Variants in PWP1 observed in about 807,000 individuals in gnomAD.
PWP1 encodes the protein periodic tryptophan protein 1 homolog.
A neutral mutation model predicts 69.9 loss-of-function variants in PWP1; 47 were observed. The observed-to-expected ratio is 0.67, with a 90% CI of 0.53 to 0.86. PWP1 has a LOEUF of 0.86. Among genes scored for constraint, PWP1 ranks in the 40% least tolerant of loss-of-function variants. The pLI, the probability that PWP1 is intolerant of heterozygous loss-of-function variation, is 0.00. For missense variants in PWP1, 551 were observed against 608.8 expected, an observed-to-expected ratio of 0.91 and a Z score of 1.00; for synonymous variants, 222 against 208.2, an observed-to-expected ratio of 1.07 and a Z score of -0.57.
rs1889780264 is a variant in PWP1, at chr12:107,704,731, C to T, written c.1061C>T (p.Ser354Leu). The T allele has an allele frequency of 6.2e-7, 1 of 1,613,464 alleles. No homozygotes were observed. The highest frequency in any genetic ancestry group is 1.3e-5 in the African/African-American group (1 of 74,892). ...GAGAGAGTGACTTGGAATCACTTTTCACCTTGTCATTTCTTGGTAAGAGTA... is the reference window on the plus strand; with the variant it reads ...GAGAGAGTGACTTGGAATCACTTTTTACCTTGTCATTTCTTGGTAAGAGTA... ...QIERVTWNHFSPCHFLASTDD... is the reference protein window; with the variant it reads ...QIERVTWNHFLPCHFLASTDD... Residue 354 changes from serine to leucine, a missense_variant, in exon 11 of 15, where the codon TCA becomes TTA. Physicochemically the swap from Ser to Leu is moderately radical, Grantham distance 145. Transcript: ENST00000412830.
intron 1 of PWP1, among the ~76,000 whole-genome samples, chr12:107,687,352 A>G (rs951860600): frequency 1.3e-5 from 2 of 152,074 alleles, no homozygotes; most frequent in Admixed American, 6.6e-5. Context: ...TAGCCTTTCA[A>G]ATACTTGAAG....
At chr12:107,706,403 A>T (rs887019157) in intron 11 of PWP1, among the ~76,000 whole-genome samples, 15 of 152,040 alleles carry the variant, frequency 9.9e-5, no homozygotes, top group Non-Finnish European at 1.3e-4. Context: ...GTTTAATTAG[A>T]TCCCATTTAT....
intron 13 of PWP1, 131 bp from the exon 14 acceptor site, chr12:107,710,274 T>G (rs1337641683): frequency 7.1e-7 from 1 of 1,408,804 alleles, no homozygotes; most frequent in Non-Finnish European, 9.4e-7. Flanking sequence ...TGCAGTAGGC[T>G]TGAAAGTGAG....
At chr12:107,686,035 C>T in intron 1 of PWP1, 64 bp downstream of exon 1, 1 of 1,565,252 alleles carries the variant, frequency 6.4e-7, no homozygotes, top group Non-Finnish European at 8.8e-7. Context: ...GTCCGCCCAG[C>T]TGGGGGAACG....
chr12:107,699,275 A>G, intron 7 of PWP1, 98 bp from the exon 8 acceptor site: 2 of 984,828 alleles, frequency 2.0e-6, no homozygotes, highest in South Asian at 1.5e-5. Flanking sequence ...AAACAAAACA[A>G]AATAATCTTA....
intron 8 of PWP1, among the ~76,000 whole-genome samples, chr12:107,702,423 G>A (rs778970178): frequency 2.6e-5 from 4 of 151,998 alleles, no homozygotes. Flanking sequence ...TGGGATTACA[G>A]GCATGCGCCA....
At chr12:107,693,128 C>T in intron 5 of PWP1, 32 bp downstream of exon 5, 1 of 1,568,924 alleles carries the variant, frequency 6.4e-7, no homozygotes, top group Non-Finnish European at 8.6e-7. Context: ...AAAAGATTTT[C>T]TAAGTGATGG....
At chr12:107,710,871 G>A (rs1449829608) in intron 14 of PWP1, among the ~76,000 whole-genome samples, 1 of 152,224 alleles carries the variant, frequency 6.6e-6, no homozygotes, top group Admixed American at 6.5e-5. Context: ...GTTTGTTCAT[G>A]TTCACAAATA....
intron 11 of PWP1, among the ~76,000 whole-genome samples, chr12:107,706,224 C>T (rs189445686): frequency 2.0e-4 from 31 of 152,246 alleles, no homozygotes; most frequent in East Asian, 1.5e-3. Flanking sequence ...TCATATCCTT[C>T]GCCCACTTTT....
chr12:107,690,190 C>G (rs1889452720), intron 3 of PWP1, among the ~76,000 whole-genome samples: 1 of 152,120 alleles, frequency 6.6e-6, no homozygotes, highest in Admixed American at 6.5e-5. Flanking sequence ...AAAATCACAA[C>G]TACCTGTTAA....
chr12:107,712,552 G>T lies in PWP1; in HGVS notation c.*332G>T. ...TAGAATTTTTAAAGCGTAAAATCCG[G>T]TAATATTAAAAGATAGGTAAACCTA... On this transcript the variant is annotated 3_prime_UTR_variant, in exon 15 of 15. Coordinates refer to ENST00000412830, the MANE Select transcript of PWP1 (RefSeq NM_007062.3). 5.7e-6 allele frequency: 1 copy of T among 175,274 alleles called. No individual in the cohort carries two copies. The highest frequency in any genetic ancestry group is 1.2e-5 in the Non-Finnish European group (1 of 82,634). The allele number at this position is 175,274 out of a possible 1,614,324, so 10.9% of individuals were successfully genotyped here.
At chr12:107,699,134 G>A (rs897922889) in intron 7 of PWP1, among the ~76,000 whole-genome samples, 23 of 151,914 alleles carry the variant, frequency 1.5e-4, no homozygotes, top group South Asian at 2.1e-4. Context: ...TGGCATGCGC[G>A]TGTAATCCCA....
chr12:107,698,939 ATTTAT>A (rs991933502), intron 7 of PWP1, among the ~76,000 whole-genome samples: 4 of 151,986 alleles, frequency 2.6e-5, no homozygotes, highest in Non-Finnish European at 4.4e-5. Context: ...ACAAGGTTTT[ATTTAT>A]TTTATTCTTC....
intron 3 of PWP1, among the ~76,000 whole-genome samples, chr12:107,689,014 A>G (rs74468350): frequency 6.6e-6 from 1 of 152,180 alleles, no homozygotes; most frequent in Non-Finnish European, 1.5e-5. Context: ...TAAAAAAAAA[A>G]GTACTGTGTA....
intron 1 of PWP1, among the ~76,000 whole-genome samples, chr12:107,687,082 A>G (rs1426290605): frequency 1.3e-5 from 2 of 151,912 alleles, no homozygotes; most frequent in African/African-American, 2.4e-5. Context: ...AAACAGTAAA[A>G]GGGGTTGATT....
At chr12:107,696,357 G>T in intron 5 of PWP1, 117 bp from the exon 6 acceptor site, 2 of 1,384,332 alleles carry the variant, frequency 1.4e-6, no homozygotes, top group Non-Finnish European at 1.9e-6. Context: ...AATATCAGAT[G>T]TCTCACTTTA....
intron 14 of PWP1, among the ~76,000 whole-genome samples, chr12:107,710,897 T>G (rs1889938431): frequency 6.6e-6 from 1 of 152,226 alleles, no homozygotes; most frequent in African/African-American, 2.4e-5. Context: ...GTCTTCACAC[T>G]TTTAAGTGTA....
rs752135129 is a variant in PWP1, at chr12:107,709,000, CAAT to C, written c.1153_1155del (p.Asn385del). Reference sequence around the variant, plus strand: ...AGCCAATTTTTACACTTAATGCACACAATGATGAAATCTCTGGTGAGCAAGAGT... The same window carrying C: ...AGCCAATTTTTACACTTAATGCACACGATGAAATCTCTGGTGAGCAAGAGT... On this transcript the variant is annotated inframe_deletion, in exon 12 of 15. Transcript: ENST00000412830. The C allele has an allele frequency of 2.5e-6, 4 of 1,613,828 alleles. No homozygotes were observed. The highest frequency in any genetic ancestry group is 1.1e-5 in the South Asian group (1 of 91,072).
intron 5 of PWP1, among the ~76,000 whole-genome samples, chr12:107,696,105 T>G (rs933788593): frequency 3.5e-5 from 5 of 143,984 alleles, no homozygotes; most frequent in Non-Finnish European, 7.5e-5. Context: ...CGATCTCAGC[T>G]CACTGCAACC....
Sources: gnomAD v4.1 joint callset for allele counts (sites outside exome capture counted in the v4.1 genomes callset) on GRCh38, gnomAD v4.1.1 for gene constraint, MANE v1.5 for transcripts, NCBI Gene and HGNC (gene_info 2026-07-23, HGNC 2026-07-21) for gene names.